The following RTL4 variants were observed in gnomAD, a reference collection of about 807,000 sequenced individuals.
RTL4 encodes the protein retrotransposon Gag-like protein 4.
A neutral mutation model predicts 5.3 loss-of-function variants in RTL4; 4 were observed. That is an observed-to-expected ratio of 0.75 (90% CI 0.37 to 1.72). RTL4 has a LOEUF of 1.72. RTL4 is among the 40% of genes most tolerant of loss of function. RTL4 has a pLI of 0.04. For missense variants in RTL4, 260 were observed against 227.1 expected (o/e 1.14, Z -0.93); for synonymous variants, 98 against 87.3 (o/e 1.12, Z -0.68).
At chrX:112,365,279 A>AAC in the RTL4 span, among the ~76,000 whole-genome samples, 8 of 111,405 alleles carry the variant, frequency 7.2e-5, no homozygotes, top group African/African-American at 2.0e-4. Flanking sequence ...GTCTGGTTAG[A>AAC]ACACACACTG....
chrX:112,303,233 A>G, the RTL4 span, among the ~76,000 whole-genome samples: 1 of 111,699 alleles, frequency 9.0e-6, no homozygotes, highest in Non-Finnish European at 1.9e-5. Context: ...GAAATTGTAA[A>G]TGATTGTATA....
the RTL4 span, among the ~76,000 whole-genome samples, chrX:112,353,310 C>T: frequency 1.2e-4 from 13 of 110,960 alleles, no homozygotes; most frequent in Non-Finnish European, 1.9e-4. Flanking sequence ...AAATACCGTT[C>T]GACCCAGCCA....
the RTL4 span, among the ~76,000 whole-genome samples, chrX:112,408,622 C>A: frequency 1.8e-5 from 2 of 111,249 alleles, no homozygotes; most frequent in African/African-American, 6.5e-5. Flanking sequence ...CAGAGGCATT[C>A]CCAAACTTTG....
At chrX:112,351,925 T>G in the RTL4 span, among the ~76,000 whole-genome samples, 1 of 111,729 alleles carries the variant, frequency 9.0e-6, no homozygotes, top group Admixed American at 9.6e-5. Flanking sequence ...GTTAGCTGGT[T>G]CTTTTGCTCT....
chrX:112,455,007 T>C (rs1451030865), exon 1 of RTL4: 1 of 1,210,006 alleles, frequency 8.3e-7, no homozygotes, highest in Admixed American at 2.2e-5. Context: ...CTGCAAATGA[T>C]GCCCAGATCA....
At chrX:112,362,928 A>G in the RTL4 span, among the ~76,000 whole-genome samples, 1 of 110,840 alleles carries the variant, frequency 9.0e-6, no homozygotes, top group East Asian at 2.9e-4. Context: ...CAGAAATACC[A>G]TCCCAAGGTC....
exon 1 of RTL4, chrX:112,455,651 C>T: frequency 8.3e-7 from 1 of 1,204,198 alleles, no homozygotes; most frequent in East Asian, 3.0e-5. Context: ...AATAACACAG[C>T]TCACCAGTAA....
the RTL4 span, among the ~76,000 whole-genome samples, chrX:112,350,494 T>C: frequency 9.0e-6 from 1 of 110,578 alleles, no homozygotes; most frequent in African/African-American, 3.3e-5. Flanking sequence ...CCTCTGGTCC[T>C]GGACTCTTTT....
the RTL4 span, among the ~76,000 whole-genome samples, chrX:112,327,545 G>C: frequency 9.1e-6 from 1 of 109,621 alleles, no homozygotes; most frequent in Non-Finnish European, 1.9e-5. Flanking sequence ...GTACCTGAAA[G>C]TGACGGGGAG....
the RTL4 span, among the ~76,000 whole-genome samples, chrX:112,448,023 A>T: frequency 5.6e-3 from 626 of 111,773 alleles, 3 homozygotes; most frequent in African/African-American, 0.02. Flanking sequence ...TTGCCTGTGT[A>T]CCACAGGGAC....
At chrX:112,415,492 C>T in the RTL4 span, among the ~76,000 whole-genome samples, 8 of 110,661 alleles carry the variant, frequency 7.2e-5, no homozygotes, top group African/African-American at 1.3e-4. Context: ...CAATCATGAA[C>T]GATGCTGCTG....
At chrX:112,183,729 G>A in the RTL4 span, among the ~76,000 whole-genome samples, 1 of 111,482 alleles carries the variant, frequency 9.0e-6, no homozygotes, top group Non-Finnish European at 1.9e-5. Context: ...CGGGTTGATG[G>A]GTGCAGCAAA....
At chrX:112,146,235 G>A in the RTL4 span, among the ~76,000 whole-genome samples, 3 of 111,363 alleles carry the variant, frequency 2.7e-5, no homozygotes, top group Non-Finnish European at 3.8e-5. Context: ...CTGATGAATT[G>A]GAGATGGGAT....
At chrX:112,242,265 G>A in the RTL4 span, among the ~76,000 whole-genome samples, 2 of 111,703 alleles carry the variant, frequency 1.8e-5, no homozygotes, top group African/African-American at 6.5e-5. Context: ...GGATGGCATT[G>A]AATCTATAAA....
At chrX:112,090,117 T>C in the RTL4 span, among the ~76,000 whole-genome samples, 2 of 110,787 alleles carry the variant, frequency 1.8e-5, no homozygotes, top group African/African-American at 6.5e-5. Flanking sequence ...TTAGTTCTAA[T>C]AGTTGTTTTA....
At chrX:112,086,478 C>G in the RTL4 span, among the ~76,000 whole-genome samples, 1 of 112,403 alleles carries the variant, frequency 8.9e-6, no homozygotes, top group African/African-American at 3.2e-5. Context: ...GGTTTTAACA[C>G]TCAGCACTAT....
At chrX:112,374,790 G>C in the RTL4 span, among the ~76,000 whole-genome samples, 1 of 111,568 alleles carries the variant, frequency 9.0e-6, no homozygotes, top group Non-Finnish European at 1.9e-5. Flanking sequence ...CATTCGCCTA[G>C]GTGCTGGGAG....
chrX:112,216,042 G>A, the RTL4 span, among the ~76,000 whole-genome samples: 2 of 111,688 alleles, frequency 1.8e-5, no homozygotes, highest in Non-Finnish European at 3.8e-5. Flanking sequence ...TATGTTAAGG[G>A]ATGGGGAGAG....
At chrX:112,454,391 T>C, upstream of RTL4, 1 of 160,494 alleles carries the variant, frequency 6.2e-6, no homozygotes, top group Non-Finnish European at 1.2e-5. Flanking sequence ...TGCCCTTATA[T>C]TACAAGGAAA....
Sources: allele counts gnomAD v4.1 joint callset (sites outside exome capture counted in the v4.1 genomes callset), GRCh38; gene constraint gnomAD v4.1.1; transcripts MANE v1.5; gene names NCBI Gene and HGNC (gene_info 2026-07-23, HGNC 2026-07-21).